Variants in FGF14 observed in about 807,000 individuals in gnomAD.
The protein encoded by FGF14 is fibroblast growth factor 14, also known as fibroblast growth factor homologous factor 4.
In FGF14, 5 loss-of-function variants were observed where a neutral mutation model predicts 25.5. The ratio of observed to expected loss-of-function variants is 0.20; its 90% confidence interval spans 0.10 to 0.41. FGF14 has a LOEUF of 0.41. Ranked by LOEUF, FGF14 falls within the 10% of genes least tolerant of loss-of-function variation. The pLI, the probability that FGF14 is intolerant of heterozygous loss-of-function variation, is 1.00. For missense variants in FGF14, 222 were observed against 320.1 expected (o/e 0.69, Z 2.34); for synonymous variants, 138 against 118.3 (o/e 1.17, Z -1.08).
chr13:102,355,648 G>A (rs937624364), intron 1 of FGF14, among the ~76,000 whole-genome samples: 25 of 151,072 alleles, frequency 1.7e-4, no homozygotes, highest in African/African-American at 5.9e-4. Context: ...GTATTCTGTA[G>A]AAGGAACAGA....
At chr13:102,176,550 A>G (rs1448372518) in intron 1 of FGF14, among the ~76,000 whole-genome samples, 5 of 152,178 alleles carry the variant, frequency 3.3e-5, no homozygotes, top group Admixed American at 2.6e-4. Flanking sequence ...AAACCTACAC[A>G]TATACCCACT....
intron 1 of FGF14, among the ~76,000 whole-genome samples, chr13:102,240,833 A>G (rs1048680711): frequency 2.0e-5 from 3 of 152,206 alleles, no homozygotes; most frequent in African/African-American, 7.2e-5. Flanking sequence ...TAGGAGAAAC[A>G]ATACAAGAGA....
chr13:101,908,626 G>T, intron 1 of FGF14, among the ~76,000 whole-genome samples: 1 of 152,134 alleles, frequency 6.6e-6, no homozygotes. Context: ...CCATGCTCAT[G>T]GGTAGGAAGA....
intron 1 of FGF14, among the ~76,000 whole-genome samples, chr13:101,993,186 T>C (rs985867088): frequency 2.3e-5 from 3 of 129,140 alleles, no homozygotes; most frequent in African/African-American, 3.1e-5. Context: ...ATTTAAAGCA[T>C]TGATTAAAAA....
chr13:102,269,457 C>A (rs931581247), intron 1 of FGF14, among the ~76,000 whole-genome samples: 4 of 152,148 alleles, frequency 2.6e-5, no homozygotes, highest in African/African-American at 9.7e-5. Flanking sequence ...AATTATATGA[C>A]AGAATTTTAT....
chr13:101,956,909 T>A (rs1028175289), intron 1 of FGF14, among the ~76,000 whole-genome samples: 1 of 152,156 alleles, frequency 6.6e-6, no homozygotes, highest in East Asian at 1.9e-4. Flanking sequence ...CTCTTTCTTA[T>A]GTATAGATTT....
chr13:101,844,050 G>C (rs530310741), intron 3 of FGF14, among the ~76,000 whole-genome samples: 1 of 152,060 alleles, frequency 6.6e-6, no homozygotes, highest in African/African-American at 2.4e-5. Flanking sequence ...TGTGTTAAAG[G>C]ACAGAGTTAG....
At chr13:101,944,676 T>C (rs1158940981) in intron 1 of FGF14, among the ~76,000 whole-genome samples, 2 of 152,192 alleles carry the variant, frequency 1.3e-5, no homozygotes, top group East Asian at 1.9e-4. Context: ...AAATGTAGTA[T>C]ACACAGGCAA....
chr13:102,206,724 G>A (rs2049943787), intron 1 of FGF14, among the ~76,000 whole-genome samples: 1 of 152,048 alleles, frequency 6.6e-6, no homozygotes, highest in Non-Finnish European at 1.5e-5. Flanking sequence ...TTTTGAAGGT[G>A]TTTGCAGAAA....
intron 1 of FGF14, among the ~76,000 whole-genome samples, chr13:101,931,498 G>C (rs1332106229): frequency 6.6e-6 from 1 of 152,158 alleles, no homozygotes; most frequent in African/African-American, 2.4e-5. Flanking sequence ...CCTTAGGACT[G>C]GATGCTCCCC....
chr13:102,035,954 A>G (rs2041451987), intron 1 of FGF14, among the ~76,000 whole-genome samples: 1 of 152,162 alleles, frequency 6.6e-6, no homozygotes, highest in Admixed American at 6.6e-5. Context: ...AAGGAAGATC[A>G]ATGTAAGGGA....
intron 1 of FGF14, among the ~76,000 whole-genome samples, chr13:102,054,099 A>G (rs1427973134): frequency 6.6e-6 from 1 of 152,218 alleles, no homozygotes; most frequent in East Asian, 1.9e-4. Context: ...CTTAGGAACA[A>G]GACAAGACAG....
chr13:102,393,301 C>T (rs572689586), intron 1 of FGF14, among the ~76,000 whole-genome samples: 2 of 152,278 alleles, frequency 1.3e-5, no homozygotes, highest in East Asian at 3.9e-4. Context: ...CTTCTTCACC[C>T]CTGTATCTCC....
At chr13:102,175,062 A>G (rs1283373938) in intron 1 of FGF14, among the ~76,000 whole-genome samples, 8 of 152,216 alleles carry the variant, frequency 5.3e-5, no homozygotes, top group Non-Finnish European at 8.8e-5. Flanking sequence ...GATTTTTATC[A>G]AATTACCAAT....
At chr13:101,729,857 G>A (rs925803283) in intron 3 of FGF14, among the ~76,000 whole-genome samples, 1 of 152,114 alleles carries the variant, frequency 6.6e-6, no homozygotes, top group African/African-American at 2.4e-5. Flanking sequence ...TCATTTCACT[G>A]AAAAATGACA....
Position 102,134,680 on chromosome 13 carries a change from A to C in FGF14, c.209-259384T>G, listed in dbSNP as rs181134607. ...CCCCATGCTGAAACTCAACAATATA[A>C]TGACCAGCGTGTTCCTTATAGTGAC... is the stretch of plus-strand genomic sequence containing the variant. On this transcript the variant is annotated intron_variant, in intron 1 of 4. Transcript: ENST00000376131. Among the ~76,000 whole-genome samples the C allele has an allele frequency of 4.6e-5, 7 of 152,290 alleles. No individual in the cohort carries two copies. The East Asian group carries it at 9.6e-4, about 21-fold the overall frequency.
intron 1 of FGF14, among the ~76,000 whole-genome samples, chr13:102,231,010 G>A (rs944411758): frequency 2.0e-5 from 3 of 152,132 alleles, no homozygotes; most frequent in South Asian, 2.1e-4. Flanking sequence ...GGAATCTGAC[G>A]TGGGGTATCT....
In FGF14 at chr13:102,234,698, T is replaced by C. The variant is rs139588221; in HGVS notation, c.208+166773A>G. On this transcript the variant is annotated intron_variant, in intron 1 of 4. Transcript: ENST00000376131. ...GAATTATTCTCTCAAGTTCTGTACA[T>C]ACTTCATTAATATATATACATATAT... Among the ~76,000 whole-genome samples the C allele has an allele frequency of 3.9e-4, 60 of 152,326 alleles. No individual in the cohort carries two copies. The East Asian group carries it at 8.7e-3, about 22-fold the overall frequency.
intron 3 of FGF14, chr13:101,802,125 A>C: frequency 4.1e-6 from 1 of 243,374 alleles, no homozygotes; most frequent in Admixed American, 4.5e-5. Flanking sequence ...CAGCTCAGGG[A>C]GGCGAGAAGA....
Sources: gnomAD v4.1 joint callset for allele counts (sites outside exome capture counted in the v4.1 genomes callset) on GRCh38, gnomAD v4.1.1 for gene constraint, MANE v1.5 for transcripts, NCBI Gene and HGNC (gene_info 2026-07-23, HGNC 2026-07-21) for gene names.